Variants in CSRNP3 observed in about 807,000 individuals in gnomAD.
The protein encoded by CSRNP3 is cysteine and serine rich nuclear protein 3, also known as cysteine/serine-rich nuclear protein 3.
Under a neutral mutation model 48.0 loss-of-function variants are expected in CSRNP3, and 12 were observed. The ratio of observed to expected loss-of-function variants is 0.25; its 90% CI spans 0.16 to 0.41. The LOEUF is 0.41. Among genes scored for constraint, CSRNP3 ranks in the 10% least tolerant of loss-of-function variants. The pLI, the probability that CSRNP3 is intolerant of heterozygous loss-of-function variation, is 1.00. For synonymous variants in CSRNP3, 263 were observed against 269.7 expected (o/e 0.98, Z 0.24); for missense variants, 580 against 724.4 (o/e 0.80, Z 2.29).
intron 4 of CSRNP3, among the ~76,000 whole-genome samples, chr2:165,638,338 G>T (rs1245809646): frequency 6.6e-6 from 1 of 152,124 alleles, no homozygotes; most frequent in Non-Finnish European, 1.5e-5. Context: ...GCACATGCCT[G>T]TAGTCCCAGC....
intron 3 of CSRNP3, among the ~76,000 whole-genome samples, chr2:165,559,513 A>G (rs1467327879): frequency 1.3e-5 from 2 of 152,176 alleles, no homozygotes; most frequent in Non-Finnish European, 2.9e-5. Context: ...TTTTTAAAAA[A>G]TGAACAAAAA....
chr2:165,500,765 A>G (rs1263928421), intron 2 of CSRNP3, among the ~76,000 whole-genome samples: 1 of 151,952 alleles, frequency 6.6e-6, no homozygotes, highest in East Asian at 1.9e-4. Flanking sequence ...GCCATTATTT[A>G]TATTTGATCT....
intron 3 of CSRNP3, chr2:165,566,684 G>A (rs1023013687): frequency 1.3e-5 from 2 of 151,682 alleles, no homozygotes; most frequent in African/African-American, 4.8e-5. Flanking sequence ...CGGGCTCATT[G>A]CATTGCCCAG....
intron 3 of CSRNP3, among the ~76,000 whole-genome samples, chr2:165,521,112 A>G (rs1684655466): frequency 6.6e-6 from 1 of 150,942 alleles, no homozygotes; most frequent in African/African-American, 2.4e-5. Flanking sequence ...GAAAGAATTG[A>G]TGGTCAGCTC....
chr2:165,632,806 A>T (rs1374724905), intron 4 of CSRNP3, among the ~76,000 whole-genome samples: 1 of 152,196 alleles, frequency 6.6e-6, no homozygotes, highest in African/African-American at 2.4e-5. Context: ...TATCAAGTTG[A>T]GTTGAAACAA....
chr2:165,660,449 T>C (rs923232653), intron 5 of CSRNP3, among the ~76,000 whole-genome samples: 2 of 152,178 alleles, frequency 1.3e-5, no homozygotes, highest in African/African-American at 4.8e-5. Context: ...AAGACAGTCT[T>C]TGTACCTTTG....
chr2:165,490,924 G>A lies in CSRNP3; in HGVS notation c.-282-3835G>A, dbSNP rs1040255569. Among the ~76,000 whole-genome samples, 81 of 134,976 alleles carry A rather than the reference G, an allele frequency of 6.0e-4. 12 individuals are homozygous for A. The highest frequency in any genetic ancestry group is 8.0e-4 in the Non-Finnish European group (50 of 62,346). 88.5% of individuals were successfully genotyped at this position (134,976 alleles called of 152,430 possible). On this transcript the variant is annotated intron_variant, in intron 1 of 6. Coordinates refer to ENST00000651982, the MANE Select transcript of CSRNP3 (RefSeq NM_001172173.2). ...CATGTCCAAAACACCAAAACCAATG[G>A]CAACAAAAGCCAAAATTGACAAATG... is the stretch of plus-strand genomic sequence containing the variant.
chr2:165,492,981 G>C (rs1278818378), intron 1 of CSRNP3, among the ~76,000 whole-genome samples: 1 of 148,628 alleles, frequency 6.7e-6, no homozygotes, highest in Non-Finnish European at 1.5e-5. Context: ...CGTAGAGGCC[G>C]ACAGAATATG....
intron 3 of CSRNP3, among the ~76,000 whole-genome samples, chr2:165,527,199 CTTTTTTTT>C (rs535826285): frequency 1.1e-5 from 1 of 87,296 alleles, no homozygotes; most frequent in Non-Finnish European, 2.1e-5. Flanking sequence ...GCTGTTTGTA[CTTTTTTTT>C]TTTTTTTTTT....
intron 3 of CSRNP3, among the ~76,000 whole-genome samples, chr2:165,560,300 A>G (rs1685216249): frequency 6.6e-6 from 1 of 152,152 alleles, no homozygotes; most frequent in Non-Finnish European, 1.5e-5. Context: ...AGCCATCCCT[A>G]GAAGCAGAAG....
intron 4 of CSRNP3, among the ~76,000 whole-genome samples, chr2:165,610,671 G>T (rs1004817092): frequency 6.6e-6 from 1 of 152,164 alleles, no homozygotes; most frequent in Admixed American, 6.5e-5. Context: ...GTAAGATTAG[G>T]CATTGTGGCA....
chr2:165,602,904 T>A (rs80018932), intron 4 of CSRNP3, among the ~76,000 whole-genome samples: 16 of 152,086 alleles, frequency 1.1e-4, no homozygotes, highest in East Asian at 3.9e-4. Flanking sequence ...TTATTTTTTT[T>A]AATTTTTTTT....
intron 2 of CSRNP3, among the ~76,000 whole-genome samples, chr2:165,498,625 A>G (rs1212642934): frequency 6.6e-6 from 1 of 152,156 alleles, no homozygotes; most frequent in East Asian, 1.9e-4. Context: ...CAAAAGCACA[A>G]TTGGACCAAA....
At chr2:165,536,228 A>G (rs553835718) in intron 3 of CSRNP3, among the ~76,000 whole-genome samples, 1 of 152,038 alleles carries the variant, frequency 6.6e-6, no homozygotes, top group Non-Finnish European at 1.5e-5. Flanking sequence ...TCTATTTGTT[A>G]TTAGTTCAGT....
intron 4 of CSRNP3, among the ~76,000 whole-genome samples, chr2:165,653,455 G>T (rs1161683730): frequency 6.6e-6 from 1 of 152,160 alleles, no homozygotes; most frequent in Non-Finnish European, 1.5e-5. Flanking sequence ...AAGGCCTTCT[G>T]CTCCCTGACA....
chr2:165,639,972 A>C (rs1228934082), intron 4 of CSRNP3, among the ~76,000 whole-genome samples: 1 of 152,194 alleles, frequency 6.6e-6, no homozygotes, highest in Non-Finnish European at 1.5e-5. Context: ...CAGACCCCAA[A>C]AAAGTATTTA....
intron 3 of CSRNP3, among the ~76,000 whole-genome samples, chr2:165,524,348 A>G (rs1304705369): frequency 2.6e-5 from 4 of 152,234 alleles, no homozygotes; most frequent in Admixed American, 6.5e-5. Context: ...AAGATTTAAA[A>G]TAATATTTTA....
chr2:165,536,093 G>A (rs1461701014), intron 3 of CSRNP3, among the ~76,000 whole-genome samples: 2 of 151,904 alleles, frequency 1.3e-5, no homozygotes, highest in African/African-American at 4.8e-5. Context: ...TGAACTCCAA[G>A]CTATATGCAC....
At chr2:165,534,010 C>T (rs1014596451) in intron 3 of CSRNP3, among the ~76,000 whole-genome samples, 12 of 151,826 alleles carry the variant, frequency 7.9e-5, no homozygotes, top group Non-Finnish European at 1.6e-4. Flanking sequence ...ACAATGAATT[C>T]TTCTTATAAC....
Sources: allele counts gnomAD v4.1 joint callset (sites outside exome capture counted in the v4.1 genomes callset), GRCh38; gene constraint gnomAD v4.1.1; transcripts MANE v1.5; gene names NCBI Gene and HGNC (gene_info 2026-07-23, HGNC 2026-07-21).